OSTM1: variants seen among roughly 807,000 people sequenced by gnomAD.
OSTM1 encodes osteoclastogenesis associated transmembrane protein 1, also known as osteopetrosis-associated transmembrane protein 1.
Under a neutral mutation model 35.4 loss-of-function variants are expected in OSTM1, and 26 were observed. The ratio of observed to expected loss-of-function variants is 0.73; its 90% confidence interval spans 0.54 to 1.02. OSTM1 has a LOEUF of 1.02. OSTM1 is among the 50% of genes least tolerant of loss of function. The pLI, the probability that OSTM1 is intolerant of heterozygous loss-of-function variation, is 0.00. For missense variants in OSTM1, 366 were observed against 409.6 expected, an observed-to-expected ratio of 0.89 and a Z score of 0.92; for synonymous variants, 181 against 165.0, an observed-to-expected ratio of 1.10 and a Z score of -0.75.
intron 5 of OSTM1, among the ~76,000 whole-genome samples, chr6:108,048,541 CTGTT>C (rs1425948204): frequency 6.6e-6 from 1 of 152,124 alleles, no homozygotes; most frequent in Admixed American, 6.5e-5. Context: ...AACAAACTGT[CTGTT>C]ATGTCAGCTA....
In OSTM1 at chr6:108,042,498, C is replaced by G. The variant is rs1312028121; in HGVS notation, c.*2287G>C. On this transcript the variant is annotated 3_prime_UTR_variant, in exon 6 of 6. Coordinates refer to ENST00000193322, the MANE Select transcript of OSTM1 (RefSeq NM_014028.4). Reference sequence around the variant, plus strand: ...TGGTACAATCTTGGCTCATTGCAACCTCCACCTCCCGGGCTCAAGACATCC... The same window carrying G: ...TGGTACAATCTTGGCTCATTGCAACGTCCACCTCCCGGGCTCAAGACATCC... 6.6e-6 allele frequency: 1 copy of G among 150,438 alleles called. No individual in the cohort carries two copies. Among genetic ancestry groups the G allele is most frequent in the Non-Finnish European group, 1.5e-5 (1 of 67,828 alleles). 9.3% of individuals were successfully genotyped at this position (150,438 alleles called of 1,614,324 possible). A position where few individuals can be genotyped will look rare whatever the true frequency, so the allele number is the denominator to read the frequency against.
intron 3 of OSTM1, among the ~76,000 whole-genome samples, chr6:108,054,185 T>C (rs1201967995): frequency 1.3e-5 from 2 of 152,244 alleles, no homozygotes; most frequent in Non-Finnish European, 2.9e-5. Context: ...AAAACCATTG[T>C]GTTTTAATTA....
At position 108,074,498 on chromosome 6, in the gene OSTM1, A is replaced by C. The variant is rs1582402570; in HGVS notation, c.154T>G (p.Leu52Val). 1 of 1,558,642 alleles carries C rather than the reference A, an allele frequency of 6.4e-7. No homozygotes were observed. Among genetic ancestry groups the C allele is most frequent in the Non-Finnish European group, 8.7e-7 (1 of 1,152,068 alleles). Residue 52 changes from leucine to valine, a missense_variant, in exon 1 of 6, where the codon TTG becomes GTG. By Grantham distance (32) the Leu-to-Val change is conservative (BLOSUM62 1). Coordinates refer to ENST00000193322, the MANE Select transcript of OSTM1 (RefSeq NM_014028.4). ...AGGGACAAGTCCTCCACCTCCAGCA[A>C]CTGCTGCTCCGACAGGAGGTCGTGG... ...VFHDLLSEQQ[L>V]LEVEDLSLSL...
chr6:108,046,678 T>C (rs533641820), intron 5 of OSTM1, among the ~76,000 whole-genome samples: 170 of 152,144 alleles, frequency 1.1e-3, no homozygotes, highest in Non-Finnish European at 1.9e-3. Flanking sequence ...AAGTGGAAAA[T>C]CACAACATGA....
chr6:108,048,900 C>T (rs929841051), intron 5 of OSTM1, among the ~76,000 whole-genome samples: 14 of 151,790 alleles, frequency 9.2e-5, no homozygotes, highest in African/African-American at 2.7e-4. Context: ...TACAGGCATG[C>T]GCCATCATGC....
chr6:108,074,506 T>C lies in OSTM1; in HGVS notation c.146A>G (p.Glu49Gly), dbSNP rs1282741229. 1 of 1,558,744 alleles carries C rather than the reference T, an allele frequency of 6.4e-7. No homozygotes were observed. Among genetic ancestry groups the C allele is most frequent in the East Asian group, 2.4e-5 (1 of 41,494 alleles). Residue 49 changes from glutamate to glycine, a missense_variant, in exon 1 of 6, where the codon GAG becomes GGG. Physicochemically the swap from Glu to Gly is moderately conservative, Grantham distance 98. Around this residue, in one of 3 missense-constraint regions of OSTM1, gnomAD observed 236 missense variants for 239.3 expected, o/e 0.99. Coordinates refer to ENST00000193322, the MANE Select transcript of OSTM1 (RefSeq NM_014028.4). Reference protein sequence around the residue: ...PHRVFHDLLSEQQLLEVEDLS... With the variant: ...PHRVFHDLLSGQQLLEVEDLS... ...GTCCTCCACCTCCAGCAACTGCTGC[T>C]CCGACAGGAGGTCGTGGAAGACCCT... is the stretch of plus-strand genomic sequence containing the variant.
chr6:108,064,623 A>T (rs918149374), intron 1 of OSTM1, among the ~76,000 whole-genome samples: 1 of 152,228 alleles, frequency 6.6e-6, no homozygotes, highest in African/African-American at 2.4e-5. Flanking sequence ...TTCCCAAATC[A>T]TTTGATCCTT....
chr6:108,065,972 C>A (rs1772369535), intron 1 of OSTM1, among the ~76,000 whole-genome samples: 1 of 151,770 alleles, frequency 6.6e-6, no homozygotes, highest in African/African-American at 2.4e-5. Flanking sequence ...GAACTAAGCC[C>A]TATATTGAGG....
chr6:108,070,884 C>A (rs1352249070), intron 1 of OSTM1, among the ~76,000 whole-genome samples: 1 of 129,500 alleles, frequency 7.7e-6, no homozygotes, highest in East Asian at 2.3e-4. Context: ...GAGGGAAACT[C>A]CGTCTCAAAA....
intron 5 of OSTM1, among the ~76,000 whole-genome samples, chr6:108,045,881 G>T (rs12530383): frequency 0.22 from 33,655 of 152,110 alleles, 3,886 homozygotes; most frequent in Admixed American, 0.25. Flanking sequence ...TTGGGTAGGG[G>T]TTATGATTTA....
intron 4 of OSTM1, among the ~76,000 whole-genome samples, chr6:108,049,874 G>A (rs1039707587): frequency 3.9e-5 from 6 of 152,102 alleles, no homozygotes; most frequent in African/African-American, 9.7e-5. Flanking sequence ...TTACCATCTC[G>A]AATATTATTG....
At chr6:108,052,197 G>C (rs530876011) in intron 3 of OSTM1, among the ~76,000 whole-genome samples, 154 of 152,254 alleles carry the variant, frequency 1.0e-3, no homozygotes, top group African/African-American at 3.5e-3. Context: ...CACTTTGGGA[G>C]GCCGAGGTGG....
At chr6:108,070,890 C>CAAA (rs1338011470) in intron 1 of OSTM1, among the ~76,000 whole-genome samples, 2 of 80,670 alleles carry the variant, frequency 2.5e-5, no homozygotes, top group Non-Finnish European at 5.3e-5. Context: ...AACTCCGTCT[C>CAAA]AAAAAAAAAA....
At chr6:108,058,586 A>G (rs1772208998) in intron 2 of OSTM1, among the ~76,000 whole-genome samples, 1 of 152,160 alleles carries the variant, frequency 6.6e-6, no homozygotes, top group South Asian at 2.1e-4. Flanking sequence ...CAGGAGATCG[A>G]GACCACGGTG....
At chr6:108,067,178 A>C (rs201472021) in intron 1 of OSTM1, among the ~76,000 whole-genome samples, 1,013 of 82,988 alleles carry the variant, frequency 0.012, 32 homozygotes, top group Admixed American at 0.098. Flanking sequence ...AGAAACTCTG[A>C]TCTCTCTCCC....
rs1004924187 is a variant in OSTM1, at chr6:108,051,309, G to A, written c.616-111C>T. On this transcript the variant is annotated intron_variant, in intron 3 of 5. Transcript: ENST00000193322. ...ACGGGAAACAATATGGTGTGTTAAA[G>A]TGCTAAGCTGTGATGTTGAGTAGGT... The A allele has an allele frequency of 2.6e-5, 20 of 776,828 alleles. No individual in the cohort carries two copies. The African/African-American group carries it at 3.1e-4, about 12-fold the overall frequency. 48.1% of individuals were successfully genotyped at this position (776,828 alleles called of 1,614,324 possible).
chr6:108,060,096 T>C (rs1582393725), intron 2 of OSTM1, among the ~76,000 whole-genome samples: 1 of 152,170 alleles, frequency 6.6e-6, no homozygotes, highest in Non-Finnish European at 1.5e-5. Flanking sequence ...TCCCTCAAAA[T>C]ACATATGTAT....
At chr6:108,050,891 C>A in intron 4 of OSTM1, 140 bp downstream of exon 4, 1 of 740,892 alleles carries the variant, frequency 1.3e-6, no homozygotes, top group Non-Finnish European at 2.3e-6. Context: ...TATTCTAAAA[C>A]TTTACTACTT....
At position 108,043,438 on chromosome 6, in the gene OSTM1, C is replaced by T. The variant is rs1308250279; in HGVS notation, c.*1347G>A. 4 of 152,168 alleles carry T rather than the reference C, an allele frequency of 2.6e-5. No individual in the cohort carries two copies. Among genetic ancestry groups the T allele is most frequent in the African/African-American group, 7.2e-5 (3 of 41,458 alleles). 9.4% of individuals were successfully genotyped at this position (152,168 alleles called of 1,614,324 possible). A position where few individuals can be genotyped will look rare whatever the true frequency, so the allele number is the denominator to read the frequency against. On this transcript the variant is annotated 3_prime_UTR_variant, in exon 6 of 6. Transcript: ENST00000193322. ...AGAAACACTTTGTCTCCCTATAGAG[C>T]ATTTTATAGTATAGGAAGGGATTCA... is the stretch of plus-strand genomic sequence containing the variant.
Sources: gnomAD v4.1 joint callset for allele counts (sites outside exome capture counted in the v4.1 genomes callset) on GRCh38, gnomAD v4.1.1 for gene constraint, gnomAD v4.1.1 regional missense constraint, MANE v1.5 for transcripts, NCBI Gene and HGNC (gene_info 2026-07-23, HGNC 2026-07-21) for gene names.